P2RY12: variants seen among roughly 807,000 people sequenced by gnomAD.
P2RY12 encodes the protein purinergic receptor P2Y12, also known as P2Y purinoceptor 12.
Under a neutral mutation model 4.5 loss-of-function variants are expected in P2RY12, and 3 were observed. The ratio of observed to expected loss-of-function variants is 0.67; its 90% CI spans 0.31 to 1.74. P2RY12 has a LOEUF of 1.74. Among genes scored for constraint, P2RY12 ranks in the 40% most tolerant of loss-of-function variants. The pLI, the probability that P2RY12 is intolerant of heterozygous loss-of-function variation, is 0.09. For synonymous variants in P2RY12, 148 were observed against 154.1 expected, an observed-to-expected ratio of 0.96 and a Z score of 0.29; for missense variants, 356 against 407.8, an observed-to-expected ratio of 0.87 and a Z score of 1.09.
rs779899353 is a variant in P2RY12, at chr3:151,355,189, A to G, written c.-179-14429T>C. 4 of 1,614,034 alleles carry G rather than the reference A, an allele frequency of 2.5e-6. No individual in the cohort carries two copies. The Admixed American group carries it at 6.7e-5, about 27-fold the overall frequency. On this transcript the variant is annotated intron_variant, in intron 1 of 2. Transcript: ENST00000302632. The stretch of plus-strand genomic sequence containing the variant: ...ATTTCCAACACTGGAGACTGTGTTC[A>G]CTAAACTCCAGCTCCTTTCATATTT...
At chr3:151,380,588 ACT>A (rs1414624120) in intron 1 of P2RY12, among the ~76,000 whole-genome samples, 1 of 129,338 alleles carries the variant, frequency 7.7e-6, no homozygotes, top group African/African-American at 2.9e-5. Flanking sequence ...CAATAGTGAA[ACT>A]CTGTCTCAAA....
chr3:151,339,892 T>C (rs1453590003), intron 2 of P2RY12, among the ~76,000 whole-genome samples: 2 of 152,184 alleles, frequency 1.3e-5, no homozygotes, highest in African/African-American at 4.8e-5. Flanking sequence ...TAAGTGAAAT[T>C]GATTCTATAT....
At chr3:151,346,248 C>T (rs937018092) in intron 1 of P2RY12, among the ~76,000 whole-genome samples, 1 of 152,134 alleles carries the variant, frequency 6.6e-6, no homozygotes, top group South Asian at 2.1e-4. Context: ...GCTAAGAGGC[C>T]ATTGTCTCTT....
chr3:151,382,458 A>G (rs1712551712), intron 1 of P2RY12, among the ~76,000 whole-genome samples: 1 of 152,164 alleles, frequency 6.6e-6, no homozygotes, highest in Non-Finnish European at 1.5e-5. Context: ...TTCTTCCTCC[A>G]CCTAGAACGG....
At chr3:151,351,800 G>C (rs1753269900) in intron 1 of P2RY12, among the ~76,000 whole-genome samples, 1 of 152,150 alleles carries the variant, frequency 6.6e-6, no homozygotes, top group Non-Finnish European at 1.5e-5. Context: ...ATGGGAAGGG[G>C]AAGGAAGCAA....
intron 1 of P2RY12, chr3:151,372,621 C>T: frequency 6.2e-7 from 1 of 1,613,918 alleles, no homozygotes; most frequent in South Asian, 1.1e-5. Context: ...GATGACTTCA[C>T]CATGAGAGGT....
chr3:151,360,546 C>T (rs1754483204), intron 1 of P2RY12: 14 of 1,612,782 alleles, frequency 8.7e-6, no homozygotes, highest in African/African-American at 1.3e-5. Context: ...TTTTAGCCTA[C>T]CTCTATGATC....
chr3:151,366,653 A>G (rs545108247), intron 1 of P2RY12, among the ~76,000 whole-genome samples: 3 of 152,194 alleles, frequency 2.0e-5, no homozygotes, highest in East Asian at 3.9e-4. Flanking sequence ...TCTCTTATGC[A>G]TAGTTCTTTA....
intron 1 of P2RY12, chr3:151,355,339 A>G: frequency 1.4e-6 from 1 of 699,910 alleles, no homozygotes; most frequent in Non-Finnish European, 2.4e-6. Flanking sequence ...GGTTTTAGAC[A>G]TATATTTTAT....
chr3:151,343,912 CCA>C (rs1752216632), intron 1 of P2RY12, among the ~76,000 whole-genome samples: 1 of 151,950 alleles, frequency 6.6e-6, no homozygotes, highest in South Asian at 2.1e-4. Context: ...TGTTTTAGTT[CCA>C]GTGGTCTCTG....
At chr3:151,368,906 C>T (rs896800800) in intron 1 of P2RY12, among the ~76,000 whole-genome samples, 1 of 151,632 alleles carries the variant, frequency 6.6e-6, no homozygotes, top group Middle Eastern at 3.4e-3. Flanking sequence ...GGACTATAGG[C>T]ATGCACCACC....
intron 1 of P2RY12, among the ~76,000 whole-genome samples, chr3:151,348,505 G>C (rs1023923539): frequency 6.6e-6 from 1 of 151,636 alleles, no homozygotes; most frequent in Non-Finnish European, 1.5e-5. Context: ...AATATCTTTT[G>C]AAAATTTGGG....
chr3:151,368,951 G>A (rs1444022133), intron 1 of P2RY12, among the ~76,000 whole-genome samples: 5 of 151,524 alleles, frequency 3.3e-5, no homozygotes, highest in Non-Finnish European at 7.4e-5. Context: ...TAGTAGAGAT[G>A]GGGATTTCAC....
intron 1 of P2RY12, among the ~76,000 whole-genome samples, chr3:151,369,210 A>T (rs1440692729): frequency 6.6e-6 from 1 of 152,208 alleles, no homozygotes; most frequent in Non-Finnish European, 1.5e-5. Context: ...AATCTTGTTG[A>T]TGTAGCTCTC....
chr3:151,368,636 TTTCATTTCATTTC>T (rs1755658654), intron 1 of P2RY12, among the ~76,000 whole-genome samples: 5 of 63,070 alleles, frequency 7.9e-5, no homozygotes, highest in East Asian at 4.0e-4. Flanking sequence ...TTTTATTTCA[TTTCATTTCATTTC>T]ATTTCATTTC....
intron 1 of P2RY12, among the ~76,000 whole-genome samples, chr3:151,360,220 T>C (rs990299874): frequency 1.3e-5 from 2 of 152,210 alleles, no homozygotes; most frequent in Non-Finnish European, 2.9e-5. Flanking sequence ...GTACCTTCTT[T>C]ATGAAGGAAT....
intron 1 of P2RY12, among the ~76,000 whole-genome samples, chr3:151,363,918 T>C (rs964404607): frequency 1.3e-5 from 2 of 152,092 alleles, no homozygotes; most frequent in Non-Finnish European, 2.9e-5. Flanking sequence ...GTGGCAATAG[T>C]TTAGAATAGA....
At position 151,360,666 on chromosome 3, in the gene P2RY12, T is replaced by A. The variant is rs986515157; in HGVS notation, c.-179-19906A>T. 56 of 1,444,586 alleles carry A rather than the reference T, an allele frequency of 3.9e-5. No individual in the cohort carries two copies. The Admixed American group carries it at 1.1e-3, about 29-fold the overall frequency. The allele number at this position is 1,444,586 out of a possible 1,614,324, so 89.5% of individuals were successfully genotyped here. A position where few individuals can be genotyped will look rare whatever the true frequency, so the allele number is the denominator to read the frequency against. The stretch of plus-strand genomic sequence containing the variant: ...TCATGCCTATGTTTGTTAGTGACCC[T>A]GACAATATTGTCATCCTTTTGAATA... On this transcript the variant is annotated intron_variant, in intron 1 of 2. Coordinates refer to ENST00000302632, the MANE Select transcript of P2RY12 (RefSeq NM_022788.5).
chr3:151,338,146 C>A lies in P2RY12; in HGVS notation c.700G>T (p.Val234Leu). The change falls in exon 3 of 3, where the codon GTG becomes TTG. Residue 234 changes from valine (V) to leucine (L), a missense_variant. Coordinates refer to ENST00000302632, the MANE Select transcript of P2RY12 (RefSeq NM_022788.5). ...ATGATAATGAAAACTTTGACGTTCA[C>A]CTTTTTCCTGGGGACTTTACCTACA... ...RGVGKVPRKK[V>L]NVKVFIIIAV... 1 of 1,613,970 alleles carries A rather than the reference C, an allele frequency of 6.2e-7. No homozygotes were observed. Among genetic ancestry groups the A allele is most frequent in the Middle Eastern group, 1.7e-4 (1 of 6,060 alleles).
Sources: gnomAD v4.1 joint callset for allele counts (sites outside exome capture counted in the v4.1 genomes callset) on GRCh38, gnomAD v4.1.1 for gene constraint, MANE v1.5 for transcripts, NCBI Gene and HGNC (gene_info 2026-07-23, HGNC 2026-07-21) for gene names.